ZRANB3: variants seen among roughly 807,000 people sequenced by gnomAD.
ZRANB3 encodes zinc finger RANBP2-type containing 3.
A neutral mutation model predicts 133.8 loss-of-function variants in ZRANB3; 125 were observed. That is an observed-to-expected ratio of 0.93 (90% CI 0.81 to 1.08). The LOEUF (loss-of-function observed/expected upper bound fraction) is 1.08. ZRANB3 is among the 50% of genes least tolerant of loss of function. The pLI, the probability that ZRANB3 is intolerant of heterozygous loss-of-function variation, is 0.00. For synonymous variants in ZRANB3, 387 were observed against 432.7 expected (o/e 0.89, Z 1.31); for missense variants, 1,229 against 1,275.5 (o/e 0.96, Z 0.56).
At chr2:135,296,580 C>G (rs540940044) in intron 8 of ZRANB3, among the ~76,000 whole-genome samples, 1 of 152,138 alleles carries the variant, frequency 6.6e-6, no homozygotes, top group Non-Finnish European at 1.5e-5. Context: ...TCTCTCAACT[C>G]GTCAAAGTCG....
At chr2:135,475,354 T>C (rs1306866059) in intron 2 of ZRANB3, among the ~76,000 whole-genome samples, 1 of 152,242 alleles carries the variant, frequency 6.6e-6, no homozygotes, top group Non-Finnish European at 1.5e-5. Context: ...TCTGCAGTCA[T>C]TTTGAAAGCC....
At chr2:135,489,298 G>T (rs866512087) in intron 2 of ZRANB3, among the ~76,000 whole-genome samples, 2 of 124,992 alleles carry the variant, frequency 1.6e-5, no homozygotes, top group African/African-American at 6.1e-5. Context: ...CATCACACTC[G>T]GGACTGTTGT....
At chr2:135,239,250 A>G (rs575073399) in intron 12 of ZRANB3, among the ~76,000 whole-genome samples, 65 of 152,296 alleles carry the variant, frequency 4.3e-4, no homozygotes, top group African/African-American at 1.5e-3. Context: ...CTGGAGGGGA[A>G]GGGGAAATGG....
chr2:135,234,966 C>A (rs549323539), intron 12 of ZRANB3, among the ~76,000 whole-genome samples: 22 of 152,120 alleles, frequency 1.4e-4, no homozygotes, highest in Admixed American at 8.5e-4. Flanking sequence ...AATAGAGACA[C>A]AAAAAACCCT....
chr2:135,231,785 CA>C (rs112056290), intron 12 of ZRANB3, among the ~76,000 whole-genome samples: 12 of 143,600 alleles, frequency 8.4e-5, no homozygotes, highest in South Asian at 2.2e-4. Context: ...GAGACCCTGT[CA>C]AAAAAAAAAC....
intron 2 of ZRANB3, among the ~76,000 whole-genome samples, chr2:135,419,512 T>C (rs1228990087): frequency 6.6e-6 from 1 of 152,100 alleles, no homozygotes; most frequent in African/African-American, 2.4e-5. Flanking sequence ...ATGCATGCCA[T>C]AGTAAACTGT....
At position 135,416,789 on chromosome 2, in the gene ZRANB3, C is replaced by G. The variant is rs1688594666; in HGVS notation, c.162-25969G>C. Among the ~76,000 whole-genome samples the G allele has an allele frequency of 5.9e-5, 9 of 152,216 alleles. No individual in the cohort carries two copies. In the South Asian group the frequency reaches 1.9e-3, roughly 32 times the overall value. Reference sequence around the variant, plus strand: ...TAGATCAATGGAAGAGAACAGAGCCCTCAGAAATAACGCCACATATCTACA... The same window carrying G: ...TAGATCAATGGAAGAGAACAGAGCCGTCAGAAATAACGCCACATATCTACA... On this transcript the variant is annotated intron_variant, in intron 2 of 20. Transcript: ENST00000264159.
At chr2:135,313,241 T>A (rs1459372529) in intron 8 of ZRANB3, among the ~76,000 whole-genome samples, 3 of 151,460 alleles carry the variant, frequency 2.0e-5, no homozygotes, top group South Asian at 4.2e-4. Flanking sequence ...TAGTCCTGGC[T>A]ACTTGGGAGA....
At chr2:135,242,852 AT>A in intron 12 of ZRANB3, among the ~76,000 whole-genome samples, 1 of 151,138 alleles carries the variant, frequency 6.6e-6, no homozygotes, top group East Asian at 2.0e-4. Context: ...GTGTTCTCTG[AT>A]TTTTCCTTTT....
intron 6 of ZRANB3, among the ~76,000 whole-genome samples, chr2:135,344,686 G>A (rs375316038): frequency 2.0e-5 from 3 of 152,242 alleles, no homozygotes; most frequent in South Asian, 4.1e-4. Context: ...GCAGTGAGCC[G>A]AGATTGTACC....
At chr2:135,434,598 CTTTAT>C (rs1393101689) in intron 2 of ZRANB3, among the ~76,000 whole-genome samples, 2 of 152,284 alleles carry the variant, frequency 1.3e-5, no homozygotes, top group Admixed American at 6.5e-5. Context: ...ACCTGTTACT[CTTTAT>C]TTTGTCATTT....
chr2:135,392,105 T>C (rs1427053860), intron 2 of ZRANB3, among the ~76,000 whole-genome samples: 2 of 151,920 alleles, frequency 1.3e-5, no homozygotes, highest in African/African-American at 4.8e-5. Context: ...ACTAATCCCT[T>C]AAGTGAGGAT....
At chr2:135,514,364 G>T (rs7304500) in intron 1 of ZRANB3, among the ~76,000 whole-genome samples, 2 of 152,114 alleles carry the variant, frequency 1.3e-5, no homozygotes, top group African/African-American at 4.8e-5. Flanking sequence ...CACCTCCATT[G>T]TAAGTTGTAT....
chr2:135,529,800 C>T (rs1340250316), intron 1 of ZRANB3, among the ~76,000 whole-genome samples: 2 of 151,742 alleles, frequency 1.3e-5, no homozygotes, highest in Admixed American at 6.6e-5. Flanking sequence ...CAGGTCTGAG[C>T]CACCGCGCCT....
intron 8 of ZRANB3, among the ~76,000 whole-genome samples, chr2:135,276,169 T>A (rs1439256895): frequency 2.6e-5 from 4 of 151,764 alleles, no homozygotes; most frequent in African/African-American, 9.7e-5. Context: ...GAAGAGCATT[T>A]TTTTTTAAAA....
At chr2:135,413,256 A>G (rs1688391139) in intron 2 of ZRANB3, among the ~76,000 whole-genome samples, 2 of 152,204 alleles carry the variant, frequency 1.3e-5, no homozygotes, top group Admixed American at 1.3e-4. Flanking sequence ...GATGACATGA[A>G]TAGACTAGTG....
intron 3 of ZRANB3, among the ~76,000 whole-genome samples, chr2:135,374,141 A>C (rs1237853346): frequency 1.3e-5 from 2 of 152,112 alleles, no homozygotes; most frequent in African/African-American, 4.8e-5. Context: ...GCTTTACTCT[A>C]TCGGCCTGTA....
rs535991655 is a variant in ZRANB3 at position 135,409,013 on chromosome 2, T to C, written c.162-18193A>G. Among the ~76,000 whole-genome samples, 9 of 152,002 alleles carry C rather than the reference T, an allele frequency of 5.9e-5. No homozygotes were observed. The East Asian group carries it at 1.7e-3, about 29-fold the overall frequency. ...GAAATGCCTGAGGCTCAGTAATTTA[T>C]AAAGAAAAGCAGTTTAGTTGGCTCA... On this transcript the variant is annotated intron_variant, in intron 2 of 20. Transcript: ENST00000264159.
chr2:135,396,166 G>A (rs1270747020), intron 2 of ZRANB3, among the ~76,000 whole-genome samples: 1 of 152,120 alleles, frequency 6.6e-6, no homozygotes, highest in Non-Finnish European at 1.5e-5. Context: ...AACAACAAAT[G>A]CTGACAAGGA....
Sources: allele counts gnomAD v4.1 joint callset (sites outside exome capture counted in the v4.1 genomes callset), GRCh38; gene constraint gnomAD v4.1.1; transcripts MANE v1.5; gene names NCBI Gene and HGNC (gene_info 2026-07-23, HGNC 2026-07-21).